RBM20: variants seen among roughly 807,000 people sequenced by gnomAD.
RBM20 encodes the protein RNA-binding protein 20.
Under a neutral mutation model 110.1 loss-of-function variants are expected in RBM20, and 51 were observed. That is an observed-to-expected ratio of 0.46 (90% CI 0.37 to 0.59). RBM20 has a LOEUF of 0.59. RBM20 is among the 20% of genes least tolerant of loss of function. RBM20 has a pLI of 0.00. For missense variants in RBM20, 1,512 were observed against 1,574.9 expected, an observed-to-expected ratio of 0.96 and a Z score of 0.68; for synonymous variants, 589 against 618.2, an observed-to-expected ratio of 0.95 and a Z score of 0.70.
At chr10:110,766,229 A>G (rs932187419) in intron 1 of RBM20, among the ~76,000 whole-genome samples, 1 of 152,110 alleles carries the variant, frequency 6.6e-6, no homozygotes, top group African/African-American at 2.4e-5. Context: ...AATATCTAGA[A>G]TGGCACATGC....
rs1276206983 is a variant in RBM20, at chr10:110,837,493, C to G, written c.*1515C>G. 6.6e-6 allele frequency: 1 copy of G among 152,204 alleles called. No individual in the cohort carries two copies. The highest frequency in any genetic ancestry group is 1.9e-4 in the East Asian group (1 of 5,202). The allele number at this position is 152,204 out of a possible 1,614,324, so 9.4% of individuals were successfully genotyped here. A position where few individuals can be genotyped will look rare whatever the true frequency, so the allele number is the denominator to read the frequency against. On this transcript the variant is annotated 3_prime_UTR_variant, in exon 14 of 14. Coordinates refer to ENST00000369519, the MANE Select transcript of RBM20 (RefSeq NM_001134363.3). ...AAAACAAGGAAGACAGGTCACTCTCCCCTAGGCAGTTCCTGTTGTTTCTGT... is the reference window on the plus strand; with the variant it reads ...AAAACAAGGAAGACAGGTCACTCTCGCCTAGGCAGTTCCTGTTGTTTCTGT...
Position 110,797,635 on chromosome 10 carries a change from A to G in RBM20, c.1655A>G (p.Lys552Arg). ...AAGGTCACTAATTACATCCTCATGAAGTCGACTAATCAGGTAGGTCTGGGT... is the reference window on the plus strand; with the variant it reads ...AAGGTCACTAATTACATCCTCATGAGGTCGACTAATCAGGTAGGTCTGGGT... ...FGKVTNYILM[K>R]STNQAFLEMA... is the part of the protein sequence containing the mutation. The change falls in exon 6 of 14, where the codon AAG becomes AGG. Residue 552 changes from lysine to arginine, a missense_variant. Lys to Arg is a conservative substitution (Grantham distance 26). Transcript: ENST00000369519. 2 of 1,551,828 alleles carry G rather than the reference A, an allele frequency of 1.3e-6. No individual in the cohort carries two copies. The highest frequency in any genetic ancestry group is 1.7e-6 in the Non-Finnish European group (2 of 1,146,998).
At chr10:110,697,340 G>T (rs997308896) in intron 1 of RBM20, among the ~76,000 whole-genome samples, 2 of 152,208 alleles carry the variant, frequency 1.3e-5, no homozygotes, top group East Asian at 1.9e-4. Context: ...TACTTGCCTG[G>T]CCCACTTGGG....
At chr10:110,660,421 C>A (rs1286684862) in intron 1 of RBM20, among the ~76,000 whole-genome samples, 2 of 152,182 alleles carry the variant, frequency 1.3e-5, no homozygotes, top group Non-Finnish European at 2.9e-5. Context: ...ATCCCCAACC[C>A]CCAGGCCATG....
At chr10:110,726,811 G>C (rs1843564792) in intron 1 of RBM20, among the ~76,000 whole-genome samples, 1 of 152,194 alleles carries the variant, frequency 6.6e-6, no homozygotes. Context: ...GCTGAGGGCA[G>C]GGGCCCACAG....
At chr10:110,646,662 C>G (rs1402287349) in intron 1 of RBM20, among the ~76,000 whole-genome samples, 1 of 152,218 alleles carries the variant, frequency 6.6e-6, no homozygotes, top group African/African-American at 2.4e-5. Flanking sequence ...CCGCTGGAAC[C>G]AGATATAATG....
chr10:110,713,816 T>G (rs572381445), intron 1 of RBM20, among the ~76,000 whole-genome samples: 1 of 152,124 alleles, frequency 6.6e-6, no homozygotes, highest in Non-Finnish European at 1.5e-5. Context: ...AGCTAGTAAG[T>G]GGCAAGTCTG....
intron 1 of RBM20, among the ~76,000 whole-genome samples, chr10:110,753,274 C>A (rs1299218739): frequency 6.6e-6 from 1 of 152,028 alleles, no homozygotes; most frequent in Non-Finnish European, 1.5e-5. Context: ...TTTATCAAAG[C>A]TTTCATTTCC....
chr10:110,685,721 G>T (rs1862493844), intron 1 of RBM20, among the ~76,000 whole-genome samples: 1 of 149,604 alleles, frequency 6.7e-6, no homozygotes, highest in Admixed American at 6.6e-5. Flanking sequence ...AAAAATAAAG[G>T]TTGGAATTGA....
intron 1 of RBM20, among the ~76,000 whole-genome samples, chr10:110,776,061 C>T (rs1042532409): frequency 4.6e-5 from 7 of 152,132 alleles, no homozygotes; most frequent in African/African-American, 1.7e-4. Flanking sequence ...CGAGAGTGTT[C>T]CCCCATGAGC....
At chr10:110,678,563 T>G (rs372721687) in intron 1 of RBM20, among the ~76,000 whole-genome samples, 1 of 152,208 alleles carries the variant, frequency 6.6e-6, no homozygotes, top group Non-Finnish European at 1.5e-5. Context: ...AAAGCACTCT[T>G]GAGTGTGCAA....
chr10:110,749,297 G>T (rs1244500904), intron 1 of RBM20, among the ~76,000 whole-genome samples: 14 of 152,020 alleles, frequency 9.2e-5, no homozygotes, highest in Non-Finnish European at 1.5e-5. Flanking sequence ...AATACTTTTG[G>T]AAATTCAGTG....
chr10:110,812,291 A>C lies in RBM20; in HGVS notation c.1894A>C (p.Arg632=). The C allele has an allele frequency of 6.5e-7, 1 of 1,545,272 alleles. No homozygotes were observed. Among genetic ancestry groups the C allele is most frequent in the Non-Finnish European group, 8.7e-7 (1 of 1,143,056 alleles). The change falls in exon 9 of 14, where the codon AGG becomes CGG. Residue 632 remains arginine, a synonymous_variant. Transcript: ENST00000369519. ...FREADRYGPE[R]PRSRSPVSRS... The stretch of plus-strand genomic sequence containing the variant: ...GCTCCCTCACAGATATGGCCCAGAA[A>C]GGCCGCGGTCTCGTAGTCCGGTGAG...
At chr10:110,736,667 C>A (rs529985118) in intron 1 of RBM20, among the ~76,000 whole-genome samples, 79 of 151,174 alleles carry the variant, frequency 5.2e-4, no homozygotes, top group African/African-American at 1.8e-3. Flanking sequence ...CTGCCAAACA[C>A]CCTGTGGGCC....
At chr10:110,643,402 G>C (rs1861815573), upstream of RBM20, among the ~76,000 whole-genome samples, 1 of 152,236 alleles carries the variant, frequency 6.6e-6, no homozygotes, top group African/African-American at 2.4e-5. Context: ...TCTCAGCCTT[G>C]AAAGGCCGCA....
intron 13 of RBM20, among the ~76,000 whole-genome samples, chr10:110,832,982 C>T (rs17831542): frequency 0.044 from 6,753 of 152,252 alleles, 212 homozygotes; most frequent in Non-Finnish European, 0.069. Flanking sequence ...TAATCAATCC[C>T]TTTTCCCAAC....
chr10:110,713,498 T>C (rs559117714), intron 1 of RBM20, among the ~76,000 whole-genome samples: 1 of 152,334 alleles, frequency 6.6e-6, no homozygotes, highest in Admixed American at 6.5e-5. Context: ...CTAAATCTCC[T>C]GTGTCCCTTA....
chr10:110,657,800 T>C (rs1564807436), intron 1 of RBM20, among the ~76,000 whole-genome samples: 2 of 152,242 alleles, frequency 1.3e-5, no homozygotes, highest in African/African-American at 4.8e-5. Flanking sequence ...TGCAAGTCTT[T>C]ATCTGGACAT....
In RBM20 at chr10:110,821,397, C is replaced by T; in HGVS notation, c.2778C>T (p.Ile926=). ...AAGATTTTATCGTGGAACCAGACAT[C>T]CCAGAGCTGGAAGAAATTGTGCCCA... ...EEEDFIVEPD[I]PELEEIVPID... The change falls in exon 11 of 14, where the codon ATC becomes ATT. Residue 926 remains isoleucine (I), a synonymous_variant. Transcript: ENST00000369519. 6.4e-7 allele frequency: 1 copy of T among 1,551,734 alleles called. No homozygotes were observed. The highest frequency in any genetic ancestry group is 1.2e-5 in the South Asian group (1 of 84,058).
Sources: gnomAD v4.1 joint callset for allele counts (sites outside exome capture counted in the v4.1 genomes callset) on GRCh38, gnomAD v4.1.1 for gene constraint, MANE v1.5 for transcripts, NCBI Gene and HGNC (gene_info 2026-07-23, HGNC 2026-07-21) for gene names.